BAALC: variants seen among roughly 807,000 people sequenced by gnomAD.
BAALC encodes the protein brain and acute leukemia cytoplasmic protein.
A neutral mutation model predicts 15.5 loss-of-function variants in BAALC; 9 were observed. That is an observed-to-expected ratio of 0.58 (90% CI 0.35 to 1.02). BAALC has a LOEUF of 1.02. Ranked by LOEUF, BAALC falls within the 50% of genes least tolerant of loss-of-function variation. The pLI is 0.02. For missense variants in BAALC, 201 were observed against 192.4 expected (o/e 1.04, Z -0.27); for synonymous variants, 80 against 74.6 (o/e 1.07, Z -0.37).
At chr8:103,213,148 C>A (rs1812489494) in intron 2 of BAALC, 63 bp downstream of exon 2, 1 of 1,534,178 alleles carries the variant, frequency 6.5e-7, no homozygotes, top group Non-Finnish European at 8.9e-7. Flanking sequence ...TGCTTCAGGG[C>A]AGAGCCACCC....
intron 1 of BAALC, among the ~76,000 whole-genome samples, chr8:103,161,153 C>T (rs1375709720): frequency 2.0e-5 from 3 of 152,148 alleles, no homozygotes; most frequent in African/African-American, 7.2e-5. Context: ...CAAACATTTA[C>T]ATGGTTCTAA....
At chr8:103,174,278 T>G (rs62527642) in intron 1 of BAALC, among the ~76,000 whole-genome samples, 94 of 123,314 alleles carry the variant, frequency 7.6e-4, no homozygotes, top group Admixed American at 1.9e-3. Flanking sequence ...AAAAAAAAAG[T>G]GCCAGTCTGT....
rs117227072 is a variant in BAALC at position 103,216,118 on chromosome 8, C to T, written c.327+3033C>T. On this transcript the variant is annotated intron_variant, in intron 2 of 2. Coordinates refer to ENST00000309982, the MANE Select transcript of BAALC (RefSeq NM_024812.3). ...TGAGTTGCAATAATTTTCTCATTTT[C>T]ATCGTTATGTATATTTCCTTATATG... Among the ~76,000 whole-genome samples, 153 of 152,280 alleles carry T rather than the reference C, an allele frequency of 1.0e-3. No individual in the cohort carries two copies. In the East Asian group the frequency reaches 0.024, roughly 24 times the overall value.
At chr8:103,218,784 C>CAA (rs1812616249) in intron 2 of BAALC, among the ~76,000 whole-genome samples, 1 of 152,098 alleles carries the variant, frequency 6.6e-6, no homozygotes, top group Non-Finnish European at 1.5e-5. Context: ...GGAGTTTTCT[C>CAA]CCGCTCCTCC....
At chr8:103,182,567 G>A (rs1811751447) in intron 1 of BAALC, among the ~76,000 whole-genome samples, 1 of 152,234 alleles carries the variant, frequency 6.6e-6, no homozygotes, top group African/African-American at 2.4e-5. Context: ...GGTAGGAGCA[G>A]ATAGGAAGAG....
intron 1 of BAALC, among the ~76,000 whole-genome samples, chr8:103,145,751 G>A (rs1810865012): frequency 6.6e-6 from 1 of 152,132 alleles, no homozygotes; most frequent in African/African-American, 2.4e-5. Flanking sequence ...TATGTACCCA[G>A]CACCTGGTAC....
At chr8:103,188,940 G>A (rs922395292) in intron 1 of BAALC, among the ~76,000 whole-genome samples, 3 of 152,280 alleles carry the variant, frequency 2.0e-5, no homozygotes, top group East Asian at 1.9e-4. Context: ...GGAGATTGGA[G>A]TACCTTTTAG....
chr8:103,216,916 A>T (rs766833909), intron 2 of BAALC, among the ~76,000 whole-genome samples: 2 of 152,210 alleles, frequency 1.3e-5, no homozygotes, highest in Non-Finnish European at 2.9e-5. Context: ...TGAGACTCAG[A>T]TATAGCTAGG....
intron 2 of BAALC, among the ~76,000 whole-genome samples, chr8:103,225,061 C>A (rs1396393091): frequency 6.6e-6 from 1 of 152,168 alleles, no homozygotes; most frequent in African/African-American, 2.4e-5. Flanking sequence ...TTTATCAGTT[C>A]TCTGCTTTTG....
At chr8:103,141,944 C>T (rs1197839725) in intron 1 of BAALC, among the ~76,000 whole-genome samples, 4 of 152,186 alleles carry the variant, frequency 2.6e-5, no homozygotes, top group South Asian at 2.1e-4. Flanking sequence ...ACTGTTGCCA[C>T]AGACTGACCT....
chr8:103,218,069 T>A (rs1191181349), intron 2 of BAALC, among the ~76,000 whole-genome samples: 1 of 152,188 alleles, frequency 6.6e-6, no homozygotes, highest in Non-Finnish European at 1.5e-5. Context: ...CACCTCACGT[T>A]TAAACTGCTT....
intron 1 of BAALC, among the ~76,000 whole-genome samples, chr8:103,156,614 C>T (rs181253238): frequency 1.4e-3 from 216 of 152,296 alleles, no homozygotes; most frequent in African/African-American, 5.1e-3. Flanking sequence ...TCTTCTGAGA[C>T]GGTGGAATGT....
At chr8:103,190,603 A>G (rs1811944084) in intron 1 of BAALC, among the ~76,000 whole-genome samples, 1 of 152,178 alleles carries the variant, frequency 6.6e-6, no homozygotes, top group Admixed American at 6.5e-5. Context: ...TTCTTTGAAA[A>G]AAGCAAGTAA....
intron 1 of BAALC, among the ~76,000 whole-genome samples, chr8:103,167,930 T>A (rs1197904217): frequency 6.6e-6 from 1 of 152,204 alleles, no homozygotes; most frequent in Non-Finnish European, 1.5e-5. Flanking sequence ...TGCCAATATC[T>A]CAGATAAGTC....
At chr8:103,151,757 A>AT (rs1176593826) in intron 1 of BAALC, among the ~76,000 whole-genome samples, 1 of 69,522 alleles carries the variant, frequency 1.4e-5, no homozygotes, top group Non-Finnish European at 2.7e-5. Context: ...CCCTCTGAAT[A>AT]TAAAAAAAAA....
At chr8:103,146,326 C>T (rs966790806) in intron 1 of BAALC, among the ~76,000 whole-genome samples, 63 of 152,166 alleles carry the variant, frequency 4.1e-4, no homozygotes, top group African/African-American at 1.4e-3. Context: ...ACTCCATCCC[C>T]GAGAGTGAGA....
intron 1 of BAALC, among the ~76,000 whole-genome samples, chr8:103,180,667 G>A (rs548083655): frequency 1.5e-4 from 23 of 152,320 alleles, no homozygotes; most frequent in African/African-American, 5.3e-4. Flanking sequence ...AAGGGCCAGA[G>A]CAAGATGCAA....
chr8:103,216,973 T>C lies in BAALC; in HGVS notation c.327+3888T>C, dbSNP rs1812570748. Among the ~76,000 whole-genome samples the C allele has an allele frequency of 2.0e-5, 3 of 152,112 alleles. No individual in the cohort carries two copies. The South Asian group carries it at 6.2e-4, about 32-fold the overall frequency. ...ACATACACACACACCCCACACACTT[T>C]GGGAGCTCATGGGGCTTTAAAATGG... is the stretch of plus-strand genomic sequence containing the variant. On this transcript the variant is annotated intron_variant, in intron 2 of 2. Transcript: ENST00000309982.
intron 1 of BAALC, among the ~76,000 whole-genome samples, chr8:103,143,137 G>T (rs188652258): frequency 2.1e-3 from 324 of 152,296 alleles, no homozygotes; most frequent in African/African-American, 4.7e-3. Context: ...TTTGGGAATG[G>T]CTTGACTTCT....
Sources: gnomAD v4.1 joint callset for allele counts (sites outside exome capture counted in the v4.1 genomes callset) on GRCh38, gnomAD v4.1.1 for gene constraint, MANE v1.5 for transcripts, NCBI Gene and HGNC (gene_info 2026-07-23, HGNC 2026-07-21) for gene names.